The following C14orf93 variants were observed in gnomAD, a reference collection of about 807,000 sequenced individuals.
The protein encoded by C14orf93 is chromosome 14 open reading frame 93, also known as uncharacterized protein C14orf93.
A neutral mutation model predicts 44.0 loss-of-function variants in C14orf93; 23 were observed. That is an observed-to-expected ratio of 0.52 (90% CI 0.38 to 0.74). The LOEUF is 0.74. Ranked by LOEUF, C14orf93 falls within the 30% of genes least tolerant of loss-of-function variation. C14orf93 has a pLI of 0.00. For missense variants in C14orf93, 579 were observed against 678.9 expected (o/e 0.85, Z 1.64); for synonymous variants, 253 against 265.7 (o/e 0.95, Z 0.46).
Position 22,987,593 on chromosome 14 carries a change from A to T in C14orf93, c.1239T>A (p.Pro413=), listed in dbSNP as rs767472292. The T allele has an allele frequency of 9.3e-6, 15 of 1,611,210 alleles. No homozygotes were observed. In the Admixed American group the frequency reaches 2.5e-4, roughly 27 times the overall value. Residue 413 remains proline (P), a synonymous_variant, in exon 7 of 7, where the codon CCT becomes CCA. Coordinates refer to ENST00000299088, the MANE Select transcript of C14orf93 (RefSeq NM_021944.4). The surrounding 1 kb of genome is among the most constrained non-coding windows in gnomAD (Gnocchi z 5.6). ...NRSSIMRHFG[P]EDQRLWNDVT... ...CATCATTCCACAGACGTTGGTCCTC[A>T]GGTCCAAAATGCCTCATGATACTGG...
At chr14:22,990,979 C>T (rs1298731366) in intron 3 of C14orf93, among the ~76,000 whole-genome samples, 6 of 150,816 alleles carry the variant, frequency 4.0e-5, no homozygotes, top group Non-Finnish European at 7.4e-5. Flanking sequence ...CCACCACGTC[C>T]GGCTAATTTT....
chr14:23,007,536 A>T (rs1333303205), intron 1 of C14orf93, among the ~76,000 whole-genome samples: 1 of 152,114 alleles, frequency 6.6e-6, no homozygotes, highest in East Asian at 1.9e-4. Flanking sequence ...CAGTTCAAAG[A>T]AGTTTCCAAT....
At position 22,998,428 on chromosome 14, in the gene C14orf93, G is replaced by C; in HGVS notation, c.596C>G (p.Pro199Arg). 4 of 1,559,234 alleles carry C rather than the reference G, an allele frequency of 2.6e-6. No homozygotes were observed. Among genetic ancestry groups the C allele is most frequent in the Non-Finnish European group, 3.5e-6 (4 of 1,150,858 alleles). Residue 199 changes from proline (P) to arginine (R), a missense_variant and splice_region_variant, in exon 2 of 7, where the codon CCT becomes CGT. By Grantham distance (103) the Pro-to-Arg change is moderately radical. Transcript: ENST00000299088. Reference sequence around the variant, plus strand: ...ATAGCCCTCTGCTGCCATACTCACAGGATTGAGCAGGGGGGCCGCCTCGCT... The same window carrying C: ...ATAGCCCTCTGCTGCCATACTCACACGATTGAGCAGGGGGGCCGCCTCGCT... Reference protein sequence around the residue: ...AASEAAPLLNPLVDDYVASEG... With the variant: ...AASEAAPLLNRLVDDYVASEG...
intron 1 of C14orf93, among the ~76,000 whole-genome samples, chr14:23,002,287 C>A (rs1434728545): frequency 6.6e-6 from 1 of 151,612 alleles, no homozygotes; most frequent in African/African-American, 2.4e-5. Context: ...CCTATCTCTA[C>A]TAAAAATACA....
At chr14:23,000,542 C>G (rs1309944256) in intron 1 of C14orf93, among the ~76,000 whole-genome samples, 2 of 151,872 alleles carry the variant, frequency 1.3e-5, no homozygotes, top group African/African-American at 2.4e-5. Context: ...ATGGTGAAAC[C>G]CTGTCTCTAC....
At chr14:23,003,276 G>T (rs754703998) in intron 1 of C14orf93, among the ~76,000 whole-genome samples, 27 of 152,182 alleles carry the variant, frequency 1.8e-4, no homozygotes, top group Non-Finnish European at 3.5e-4. Flanking sequence ...GGCATTCAAA[G>T]AATTCTTTTT....
rs764331139 is a variant in C14orf93 at position 22,987,332 on chromosome 14, C to T, written c.1500G>A (p.Glu500=). Residue 500 remains glutamate (E), a synonymous_variant, in exon 7 of 7, where the codon GAG becomes GAA. Coordinates refer to ENST00000299088, the MANE Select transcript of C14orf93 (RefSeq NM_021944.4). This position sits in a 1 kb window ranked among gnomAD's most constrained non-coding sequence, Gnocchi z 5.6. ...CATTCTCATCCCCTCCCTCATCTTC[C>T]TCTTCTTGGAAATTAGGATTGTAAA... is the stretch of plus-strand genomic sequence containing the variant. ...PELYNPNFQE[E]EDEGGDENAP... 1 of 1,614,252 alleles carries T rather than the reference C, an allele frequency of 6.2e-7. No homozygotes were observed. The highest frequency in any genetic ancestry group is 8.5e-7 in the Non-Finnish European group (1 of 1,180,046).
Position 22,996,024 on chromosome 14 carries a change from C to A in C14orf93, c.842G>T (p.Gly281Val). 6.2e-7 allele frequency: 1 copy of A among 1,614,132 alleles called. No individual in the cohort carries two copies. Among genetic ancestry groups the A allele is most frequent in the South Asian group, 1.1e-5 (1 of 91,082 alleles). Reference sequence around the variant, plus strand: ...GGTCCTGCATGGGGAAACGGTCAGCCCTAGAGAGTGTCTCAGCTCCCCAGT... The same window carrying A: ...GGTCCTGCATGGGGAAACGGTCAGCACTAGAGAGTGTCTCAGCTCCCCAGT... ...GSTGELRHSL[G>V]LTVSPCRTRG... The change falls in exon 3 of 7, where the codon GGG becomes GTG. Residue 281 changes from glycine to valine, a missense_variant. Transcript: ENST00000299088. This position sits in a 1 kb window ranked among gnomAD's most constrained non-coding sequence, Gnocchi z 4.1.
chr14:22,986,213 C>G lies in C14orf93; in HGVS notation c.*1002G>C, dbSNP rs1346911241. On this transcript the variant is annotated 3_prime_UTR_variant, in exon 7 of 7. Transcript: ENST00000299088. ...CCCTCTCAGAAGAAGCCTTTCCAGA[C>G]TGCAAGAGTAGGTTAGCTACCCCTG... 6.6e-6 allele frequency: 1 copy of G among 152,270 alleles called. No individual in the cohort carries two copies. Among genetic ancestry groups the G allele is most frequent in the Non-Finnish European group, 1.5e-5 (1 of 68,086 alleles). 9.4% of individuals were successfully genotyped at this position (152,270 alleles called of 1,614,324 possible). A position where few individuals can be genotyped will look rare whatever the true frequency, so the allele number is the denominator to read the frequency against.
Position 22,997,877 on chromosome 14 carries a change from T to C in C14orf93, c.597+550A>G, listed in dbSNP as rs143023907. 1.0e-2 allele frequency among the ~76,000 whole-genome samples: 1,514 copies of C among 152,160 alleles called. 28 individuals carry two copies. The highest frequency in any genetic ancestry group is 0.035 in the African/African-American group (1,462 of 41,484). On this transcript the variant is annotated intron_variant, in intron 2 of 6. Coordinates refer to ENST00000299088, the MANE Select transcript of C14orf93 (RefSeq NM_021944.4). ...TTTCCACATAGATTCACCTTTCTTC[T>C]GTGCTCCCTTTTTTCACTTTTTCTC...
chr14:23,001,246 G>T (rs2046278012), intron 1 of C14orf93, among the ~76,000 whole-genome samples: 1 of 152,194 alleles, frequency 6.6e-6, no homozygotes, highest in Admixed American at 6.5e-5. Flanking sequence ...GCAAAAGAAT[G>T]TTTTGGTGAT....
chr14:22,998,960 A>G lies in C14orf93; in HGVS notation c.64T>C (p.Cys22Arg). 6.2e-7 allele frequency: 1 copy of G among 1,613,666 alleles called. No homozygotes were observed. Among genetic ancestry groups the G allele is most frequent in the Non-Finnish European group, 8.5e-7 (1 of 1,179,988 alleles). ...CCATTAGTCTCACTCTTACAGGCGC[A>G]GCAGCAGCATCTGGCCTCGCTGCCA... ...PSGSEARCCCCACKSETNGGN... is the reference protein window; with the variant it reads ...PSGSEARCCCRACKSETNGGN... The change falls in exon 2 of 7, where the codon TGC (cysteine) becomes CGC (arginine). Residue 22 changes from cysteine (C) to arginine (R), a missense_variant. Cys to Arg is a radical substitution (Grantham distance 180). Transcript: ENST00000299088.
In C14orf93 at chr14:22,996,110, C is replaced by T. The variant is rs762290637; in HGVS notation, c.756G>A (p.Glu252=). 5 of 1,613,924 alleles carry T rather than the reference C, an allele frequency of 3.1e-6. No individual in the cohort carries two copies. Among genetic ancestry groups the T allele is most frequent in the Admixed American group, 3.3e-5 (2 of 59,994 alleles). The part of the protein sequence containing the change: ...NGTKLPPPRP[E]DMLNAAAALD... ...GCGCAGCAGCGGCATTGAGCATGTC[C>T]TCAGGGCGGGGTGGTGGCAGCTTGG... Residue 252 remains glutamate (E), a synonymous_variant, in exon 3 of 7, where the codon GAG becomes GAA. Transcript: ENST00000299088. This position sits in a 1 kb window ranked among gnomAD's most constrained non-coding sequence, Gnocchi z 4.1.
chr14:22,995,935 T>C lies in C14orf93; in HGVS notation c.918+13A>G. Reference sequence around the variant, plus strand: ...AGACTGAAGAAAAATTTATAGAAACTGAGCTCACTCACAGAGAGTACAAGA... The same window carrying C: ...AGACTGAAGAAAAATTTATAGAAACCGAGCTCACTCACAGAGAGTACAAGA... On this transcript the variant is annotated intron_variant, in intron 3 of 6. Coordinates refer to ENST00000299088, the MANE Select transcript of C14orf93 (RefSeq NM_021944.4). The C allele has an allele frequency of 6.5e-7, 1 of 1,547,206 alleles. No individual in the cohort carries two copies. Among genetic ancestry groups the C allele is most frequent in the South Asian group, 1.2e-5 (1 of 82,132 alleles).
intron 1 of C14orf93, among the ~76,000 whole-genome samples, chr14:23,009,158 C>T (rs138347998): frequency 2.5e-4 from 38 of 152,340 alleles, no homozygotes; most frequent in African/African-American, 8.9e-4. Context: ...TCATTTGCCA[C>T]ATGGACTATA....
chr14:22,998,163 A>C (rs1251974209), intron 2 of C14orf93: 3 of 410,506 alleles, frequency 7.3e-6, no homozygotes, highest in African/African-American at 2.1e-5. Context: ...GTGGAAGAGA[A>C]GGTGCCATGC....
At position 22,999,088 on chromosome 14, in the gene C14orf93, A is replaced by G. The variant is rs2046167197; in HGVS notation, c.-65T>C. The stretch of plus-strand genomic sequence containing the variant: ...CCGCTCCAACAGGTAGGAAGCATCA[A>G]CTTCTCTGGACTCACTTTCCTTTCT... On this transcript the variant is annotated 5_prime_UTR_variant, in exon 2 of 7. Transcript: ENST00000299088. The G allele has an allele frequency of 3.5e-5, 53 of 1,524,224 alleles. No homozygotes were observed. In the South Asian group the frequency reaches 6.0e-4, roughly 17 times the overall value. The allele number at this position is 1,524,224 out of a possible 1,614,324, so 94.4% of individuals were successfully genotyped here.
chr14:22,988,094 C>G, intron 5 of C14orf93, 79 bp from the exon 6 acceptor site: 1 of 913,386 alleles, frequency 1.1e-6, no homozygotes, highest in Non-Finnish European at 1.8e-6. Flanking sequence ...TGCCCTAACA[C>G]TATTGAATGG....
Position 22,998,780 on chromosome 14 carries a change from G to C in C14orf93, c.244C>G (p.Leu82Val), listed in dbSNP as rs2046144931. 1 of 1,614,162 alleles carries C rather than the reference G, an allele frequency of 6.2e-7. No homozygotes were observed. Among genetic ancestry groups the C allele is most frequent in the Admixed American group, 1.7e-5 (1 of 60,026 alleles). ...AVGLAEAALG[L>V]ARANNELLKR... ...AACAACTCATTGTTGGCCCTGGCAA[G>C]ACCCAGAGCAGCTTCAGCCAAACCC... The change falls in exon 2 of 7, where the codon CTT (leucine) becomes GTT (valine). Residue 82 changes from leucine (L) to valine (V), a missense_variant. Physicochemically the swap from Leu to Val is conservative, Grantham distance 32. Coordinates refer to ENST00000299088, the MANE Select transcript of C14orf93 (RefSeq NM_021944.4).
Sources: allele counts gnomAD v4.1 joint callset (sites outside exome capture counted in the v4.1 genomes callset), GRCh38; gene constraint gnomAD v4.1.1; non-coding constraint Gnocchi (gnomAD v3.1); transcripts MANE v1.5; gene names NCBI Gene and HGNC (gene_info 2026-07-23, HGNC 2026-07-21).